Variants in METAP1 observed in about 807,000 individuals in gnomAD.
The protein encoded by METAP1 is methionyl aminopeptidase 1, also known as methionine aminopeptidase 1.
METAP1 carries 28 observed loss-of-function variants against 53.8 expected under a neutral mutation model. The ratio of observed to expected loss-of-function variants is 0.52; its 90% confidence interval spans 0.39 to 0.71. The LOEUF (loss-of-function observed/expected upper bound fraction) is 0.71. Ranked by LOEUF, METAP1 falls within the 30% of genes least tolerant of loss-of-function variation. METAP1 has a pLI of 0.00. For missense variants in METAP1, 389 were observed against 479.8 expected, an observed-to-expected ratio of 0.81 and a Z score of 1.77; for synonymous variants, 181 against 165.7, an observed-to-expected ratio of 1.09 and a Z score of -0.71.
intron 1 of METAP1, among the ~76,000 whole-genome samples, chr4:99,004,608 A>C (rs2110278185): frequency 6.6e-6 from 1 of 152,326 alleles, no homozygotes; most frequent in South Asian, 2.1e-4. Context: ...GAACATTACC[A>C]GGAAAACAAG....
intron 10 of METAP1, 67 bp from the exon 11 acceptor site, chr4:99,061,087 G>T: frequency 3.3e-6 from 5 of 1,520,030 alleles, no homozygotes; most frequent in Admixed American, 4.0e-5. Flanking sequence ...TTTTTCCTTG[G>T]CTTTCTTCTT....
At position 99,044,671 on chromosome 4, in the gene METAP1, A is replaced by G. The variant is rs536366211; in HGVS notation, c.656-508A>G. Among the ~76,000 whole-genome samples, 8 of 152,076 alleles carry G rather than the reference A, an allele frequency of 5.3e-5. No homozygotes were observed. The South Asian group carries it at 1.4e-3, about 28-fold the overall frequency. On this transcript the variant is annotated intron_variant, in intron 7 of 10. Coordinates refer to ENST00000296411, the MANE Select transcript of METAP1 (RefSeq NM_015143.3). ...ATAATATATAGTATAATAGTAATCTATATTCTTAAACATGGGGACAAAGAG... is the reference window on the plus strand; with the variant it reads ...ATAATATATAGTATAATAGTAATCTGTATTCTTAAACATGGGGACAAAGAG...
intron 2 of METAP1, chr4:99,031,491 T>TG (rs1725024558): frequency 7.8e-7 from 1 of 1,286,806 alleles, no homozygotes; most frequent in Non-Finnish European, 1.0e-6. Flanking sequence ...CTAGTGTGCC[T>TG]GATTTTTGGA....
At chr4:99,047,258 A>T (rs557875847) in intron 8 of METAP1, among the ~76,000 whole-genome samples, 4 of 152,312 alleles carry the variant, frequency 2.6e-5, no homozygotes, top group African/African-American at 9.6e-5. Context: ...TTCTATACAC[A>T]TAAGATGTTC....
intron 2 of METAP1, 44 bp from the exon 3 acceptor site, chr4:99,034,186 C>A: frequency 8.6e-7 from 1 of 1,168,910 alleles, no homozygotes; most frequent in Non-Finnish European, 1.2e-6. Flanking sequence ...ATTCCTTTCC[C>A]TCCTTCTCCT....
At chr4:98,998,483 A>G (rs575030298) in intron 1 of METAP1, among the ~76,000 whole-genome samples, 74 of 152,330 alleles carry the variant, frequency 4.9e-4, no homozygotes, top group African/African-American at 1.7e-3. Context: ...AGGTTGCACC[A>G]CTGCACTCTA....
chr4:99,056,611 G>A (rs529560980), intron 9 of METAP1, among the ~76,000 whole-genome samples: 1 of 151,998 alleles, frequency 6.6e-6, no homozygotes, highest in Non-Finnish European at 1.5e-5. Flanking sequence ...TTGCTCTGTC[G>A]CCCAGGCTGG....
chr4:99,046,953 A>AAAAAAAAAAAAAAAAAAAC (rs1560730243), intron 8 of METAP1, among the ~76,000 whole-genome samples: 1 of 149,036 alleles, frequency 6.7e-6, no homozygotes, highest in Non-Finnish European at 1.5e-5. Context: ...AAAAAAAAAA[A>AAAAAAAAAAAAAAAAAAAC]AAAAAGAAAA....
intron 1 of METAP1, 50 bp downstream of exon 1, chr4:98,995,917 C>T (rs1425576338): frequency 1.4e-6 from 2 of 1,395,938 alleles, no homozygotes; most frequent in South Asian, 1.2e-5. Context: ...GACCCCTCCT[C>T]GCTTCTCCCC....
At chr4:99,034,484 G>C in intron 3 of METAP1, 142 bp downstream of exon 3, 1 of 616,146 alleles carries the variant, frequency 1.6e-6, no homozygotes. Context: ...GAGCTCTTAC[G>C]GTGCATCATT....
At position 99,062,384 on chromosome 4, in the gene METAP1, C is replaced by G. The variant is rs755211275; in HGVS notation, c.*1067C>G. On this transcript the variant is annotated 3_prime_UTR_variant, in exon 11 of 11. Transcript: ENST00000296411. ...GTCCTTCGTGTGTGGAAACACACCT[C>G]TCCTTTACATAGTTGGGAACCTCAT... The G allele has an allele frequency of 4.6e-5, 7 of 152,536 alleles. No homozygotes were observed. Among genetic ancestry groups the G allele is most frequent in the Non-Finnish European group, 8.8e-5 (6 of 68,054 alleles). The allele number at this position is 152,536 out of a possible 1,614,324, so 9.4% of individuals were successfully genotyped here. A position where few individuals can be genotyped will look rare whatever the true frequency, so the allele number is the denominator to read the frequency against.
chr4:99,004,561 T>C (rs1723091053), intron 1 of METAP1, among the ~76,000 whole-genome samples: 1 of 151,082 alleles, frequency 6.6e-6, no homozygotes, highest in African/African-American at 2.4e-5. Flanking sequence ...CATGATACAG[T>C]AAATGCCTAT....
Position 99,010,645 on chromosome 4 carries a change from G to A in METAP1, c.114+14778G>A, listed in dbSNP as rs544062668. Among the ~76,000 whole-genome samples, 27 of 152,128 alleles carry A rather than the reference G, an allele frequency of 1.8e-4. No homozygotes were observed. In the South Asian group the frequency reaches 5.6e-3, roughly 32 times the overall value. On this transcript the variant is annotated intron_variant, in intron 1 of 10. Transcript: ENST00000296411. ...ATTTGCTCTTTTTCAGAATTGTTTTGGCTATTTGGGTCCCTTGAGATTTCA... is the reference window on the plus strand; with the variant it reads ...ATTTGCTCTTTTTCAGAATTGTTTTAGCTATTTGGGTCCCTTGAGATTTCA...
chr4:99,002,636 C>A (rs774060276), intron 1 of METAP1, among the ~76,000 whole-genome samples: 3 of 152,104 alleles, frequency 2.0e-5, no homozygotes, highest in African/African-American at 7.2e-5. Flanking sequence ...AGGATAGGGA[C>A]CCCATGGAAC....
intron 4 of METAP1, chr4:99,037,978 C>T (rs1725555966): frequency 6.6e-6 from 1 of 151,778 alleles, no homozygotes; most frequent in South Asian, 2.1e-4. Flanking sequence ...CCTTTTATGT[C>T]TTTCAGTGGT....
intron 1 of METAP1, chr4:99,022,785 T>C (rs1560706072): frequency 6.2e-7 from 1 of 1,601,114 alleles, no homozygotes; most frequent in East Asian, 2.3e-5. Context: ...CTCTTGGCTA[T>C]GCGCTTGTCA....
At chr4:99,001,247 A>T (rs950368213) in intron 1 of METAP1, among the ~76,000 whole-genome samples, 5 of 152,084 alleles carry the variant, frequency 3.3e-5, no homozygotes, top group Non-Finnish European at 5.9e-5. Context: ...ACCCTTAAAC[A>T]CTCCTGTAAG....
intron 9 of METAP1, among the ~76,000 whole-genome samples, chr4:99,052,180 C>G (rs1019734030): frequency 6.6e-6 from 1 of 152,172 alleles, no homozygotes; most frequent in Non-Finnish European, 1.5e-5. Flanking sequence ...TAAAAATACT[C>G]TATTGCTAAA....
intron 2 of METAP1, among the ~76,000 whole-genome samples, chr4:99,031,088 T>C (rs1010139723): frequency 6.8e-6 from 1 of 148,134 alleles, no homozygotes; most frequent in Non-Finnish European, 1.5e-5. Context: ...GTTAAATAAA[T>C]GACTCAAAGG....
Sources: gnomAD v4.1 joint callset for allele counts (sites outside exome capture counted in the v4.1 genomes callset) on GRCh38, gnomAD v4.1.1 for gene constraint, MANE v1.5 for transcripts, NCBI Gene and HGNC (gene_info 2026-07-23, HGNC 2026-07-21) for gene names.